NEFH: variants seen among roughly 807,000 people sequenced by gnomAD.
NEFH encodes the protein neurofilament heavy chain.
In NEFH, 58 loss-of-function variants were observed where a neutral mutation model predicts 56.6. The observed-to-expected ratio is 1.03, with a 90% CI of 0.83 to 1.28. NEFH has a LOEUF of 1.28. Ranked by LOEUF, NEFH falls within the 50% of genes most tolerant of loss-of-function variation. The pLI, the probability that NEFH is intolerant of heterozygous loss-of-function variation, is 0.00. For synonymous variants in NEFH, 542 were observed against 545.8 expected, an observed-to-expected ratio of 0.99 and a Z score of 0.10; for missense variants, 1,221 against 1,307.6, an observed-to-expected ratio of 0.93 and a Z score of 1.02.
intron 2 of NEFH, 48 bp from the exon 3 acceptor site, chr22:29,485,675 G>T: frequency 6.2e-7 from 1 of 1,600,230 alleles, no homozygotes; most frequent in East Asian, 2.3e-5. Context: ...CTGGTACTGA[G>T]GGCCAGACAC....
At chr22:29,485,930 T>G in intron 3 of NEFH, 83 bp downstream of exon 3, 1 of 1,493,316 alleles carries the variant, frequency 6.7e-7, no homozygotes, top group Non-Finnish European at 9.3e-7. Flanking sequence ...AGACCCCGTT[T>G]AGGCAGCCTA....
At chr22:29,481,257 C>A in intron 1 of NEFH, 112 bp downstream of exon 1, 1 of 1,050,336 alleles carries the variant, frequency 9.5e-7, no homozygotes, top group Non-Finnish European at 1.4e-6. Flanking sequence ...TGGCGCGCTG[C>A]TCACCTTCCC....
In NEFH at chr22:29,490,027, C is replaced by A. The variant is rs767365900; in HGVS notation, c.2387C>A (p.Pro796Gln). ...CCTGTCAAGGAGGAGGTCAAGTCCC[C>A]AGAGAAGGCGAAATCTCCCCTGAAG... The part of the protein sequence containing the change: ...KSPVKEEVKS[P>Q]EKAKSPLKED... The change falls in exon 4 of 4, where the codon CCA (proline) becomes CAA (glutamine). Residue 796 changes from proline to glutamine, a missense_variant. By Grantham distance (76) the Pro-to-Gln change is moderately conservative. Transcript: ENST00000310624. The A allele has an allele frequency of 4.3e-6, 7 of 1,613,968 alleles. No individual in the cohort carries two copies. The highest frequency in any genetic ancestry group is 5.9e-6 in the Non-Finnish European group (7 of 1,179,944).
intron 1 of NEFH, among the ~76,000 whole-genome samples, chr22:29,481,710 G>A (rs780172669): frequency 3.2e-4 from 49 of 152,306 alleles, no homozygotes; most frequent in Non-Finnish European, 6.6e-4. Flanking sequence ...TCTTCCTAGA[G>A]GGAACCATTA....
In NEFH at chr22:29,480,515, G is replaced by T. The variant is rs775856649; in HGVS notation, c.253G>T (p.Glu85Ter). The T allele has an allele frequency of 2.0e-6, 3 of 1,535,490 alleles. No individual in the cohort carries two copies. The highest frequency in any genetic ancestry group is 8.7e-7 in the Non-Finnish European group (1 of 1,147,350). ...GCTGGACACGCTGAGCAACGGGCCG[G>T]AGGGCTGCATGGTGGCGGTGGCCAC... ...DSLDTLSNGP[E>*]GCMVAVATSR... Residue 85 changes from glutamate to a stop codon, truncating the protein, a stop_gained, in exon 1 of 4, where the codon GAG becomes TAG. Coordinates refer to ENST00000310624, the MANE Select transcript of NEFH (RefSeq NM_021076.4). LOFTEE classifies it high-confidence loss of function.
rs1422942222 is a variant in NEFH at position 29,480,788 on chromosome 22, G to A, written c.526G>A (p.Glu176Lys). 24 of 1,425,716 alleles carry A rather than the reference G, an allele frequency of 1.7e-5. No individual in the cohort carries two copies. In the Middle Eastern group the frequency reaches 1.3e-3, roughly 74 times the overall value. The allele number at this position is 1,425,716 out of a possible 1,614,324, so 88.3% of individuals were successfully genotyped here. A position where few individuals can be genotyped will look rare whatever the true frequency, so the allele number is the denominator to read the frequency against. Reference sequence around the variant, plus strand: ...ACGCCTGGAGCAGGAGCACCTGCTCGAGGACATCGCGCACGTGCGCCAGCG... The same window carrying A: ...ACGCCTGGAGCAGGAGCACCTGCTCAAGGACATCGCGCACGTGCGCCAGCG... ...QLRLEQEHLL[E>K]DIAHVRQRLD... The change falls in exon 1 of 4, where the codon GAG (glutamate) becomes AAG (lysine). Residue 176 changes from glutamate to lysine, a missense_variant. Physicochemically the swap from Glu to Lys is moderately conservative, Grantham distance 56 (BLOSUM62 1). This residue lies in a region of NEFH where 640 missense variants were observed against 555.5 expected (regional missense o/e 1.15). Coordinates refer to ENST00000310624, the MANE Select transcript of NEFH (RefSeq NM_021076.4).
chr22:29,480,440 G>T lies in NEFH; in HGVS notation c.178G>T (p.Ala60Ser), dbSNP rs1185842516. 5 of 1,531,542 alleles carry T rather than the reference G, an allele frequency of 3.3e-6. No homozygotes were observed. Among genetic ancestry groups the T allele is most frequent in the African/African-American group, 1.4e-5 (1 of 72,756 alleles). The allele number at this position is 1,531,542 out of a possible 1,614,324, so 94.9% of individuals were successfully genotyped here. Reference sequence around the variant, plus strand: ...ACGGACGTCCGTGAGCTCCGTGTCCGCCTCGCCCAGCCGCTTCCGTGGCGC... The same window carrying T: ...ACGGACGTCCGTGAGCTCCGTGTCCTCCTCGCCCAGCCGCTTCCGTGGCGC... The part of the protein sequence containing the change: ...WTRTSVSSVS[A>S]SPSRFRGAGA... The change falls in exon 1 of 4, where the codon GCC becomes TCC. Residue 60 changes from alanine (A) to serine (S), a missense_variant. Transcript: ENST00000310624.
rs1217256014 is a variant in NEFH, at chr22:29,483,551, C to A, written c.1060C>A (p.Gln354Lys). ...GCGCTCTGAGCTGGAGGACCGTCAT[C>A]AGGCCGACATTGCCTCCTACCAGGT... ...RQRSELEDRH[Q>K]ADIASYQEAI... Residue 354 changes from glutamine to lysine, a missense_variant, in exon 2 of 4, where the codon CAG becomes AAG. Around this residue, in one of 4 missense-constraint regions of NEFH, gnomAD observed 640 missense variants for 555.5 expected, o/e 1.15. Coordinates refer to ENST00000310624, the MANE Select transcript of NEFH (RefSeq NM_021076.4). 1 of 1,613,820 alleles carries A rather than the reference C, an allele frequency of 6.2e-7. No homozygotes were observed. Among genetic ancestry groups the A allele is most frequent in the Admixed American group, 1.7e-5 (1 of 60,022 alleles).
At chr22:29,486,831 T>C (rs2063047568) in intron 3 of NEFH, among the ~76,000 whole-genome samples, 2 of 152,132 alleles carry the variant, frequency 1.3e-5, no homozygotes, top group Admixed American at 6.5e-5. Flanking sequence ...CCAATGAGTC[T>C]TGAGAGTGAC....
chr22:29,488,972 C>G lies in NEFH; in HGVS notation c.1332C>G (p.Ile444Met). 6.2e-7 allele frequency: 1 copy of G among 1,614,050 alleles called. No homozygotes were observed. Reference sequence around the variant, plus strand: ...TAAAGGTGAAAAGCGAAGAGAAGATCAAAGTGGTGGAGAAGTCTGAGAAAG... The same window carrying G: ...TAAAGGTGAAAAGCGAAGAGAAGATGAAAGTGGTGGAGAAGTCTGAGAAAG... Reference protein sequence around the residue: ...THIKVKSEEKIKVVEKSEKET... With the variant: ...THIKVKSEEKMKVVEKSEKET... Residue 444 changes from isoleucine (I) to methionine (M), a missense_variant, in exon 4 of 4, where the codon ATC (isoleucine) becomes ATG (methionine). Physicochemically the swap from Ile to Met is conservative, Grantham distance 10. This residue lies in a region of NEFH where 243 missense variants were observed against 299.1 expected (regional missense o/e 0.81). Transcript: ENST00000310624.
At chr22:29,487,752 AAGTACT>A (rs2063052612) in intron 3 of NEFH, among the ~76,000 whole-genome samples, 1 of 151,852 alleles carries the variant, frequency 6.6e-6, no homozygotes, top group Non-Finnish European at 1.5e-5. Flanking sequence ...TAAATTTGGG[AAGTACT>A]AGTCTGAGGG....
chr22:29,484,688 G>A (rs1398207644), intron 2 of NEFH, among the ~76,000 whole-genome samples: 1 of 152,086 alleles, frequency 6.6e-6, no homozygotes, highest in East Asian at 1.9e-4. Flanking sequence ...AATTAGCTGG[G>A]TATGGTTGTG....
rs165625 is a variant in NEFH, at chr22:29,490,424, A to G, written c.2784A>G (p.Val928=). 1,278,233 of 1,608,002 alleles carry G rather than the reference A, an allele frequency of 0.79. 509,212 individuals are homozygous for G. The highest frequency in any genetic ancestry group is 0.91 in the East Asian group (40,924 of 44,824). ...CTAAACCCAAAGAAAAGACAGAGGT[A>G]GCCAAGAAGGAACCAGATGATGCCA... The part of the protein sequence containing the change: ...EDAKPKEKTE[V]AKKEPDDAKA... The change falls in exon 4 of 4, where the codon GTA becomes GTG. Residue 928 remains valine (V), a synonymous_variant. Coordinates refer to ENST00000310624, the MANE Select transcript of NEFH (RefSeq NM_021076.4).
intron 2 of NEFH, among the ~76,000 whole-genome samples, chr22:29,485,451 C>G (rs1340579238): frequency 6.6e-6 from 1 of 152,228 alleles, no homozygotes; most frequent in Non-Finnish European, 1.5e-5. Flanking sequence ...ATCCCATTAT[C>G]CTGCCAGCCA....
intron 2 of NEFH, among the ~76,000 whole-genome samples, chr22:29,483,998 T>C (rs1283920015): frequency 6.6e-6 from 1 of 151,912 alleles, no homozygotes; most frequent in Non-Finnish European, 1.5e-5. Context: ...TACAGGTGCA[T>C]GCCACCACAC....
intron 2 of NEFH, among the ~76,000 whole-genome samples, chr22:29,484,213 C>T (rs781288771): frequency 6.6e-6 from 1 of 152,166 alleles, no homozygotes. Flanking sequence ...AGGTCTTCAA[C>T]ATTCGAATCT....
chr22:29,489,486 G>C lies in NEFH; in HGVS notation c.1846G>C (p.Ala616Pro), dbSNP rs1398309477. The change falls in exon 4 of 4, where the codon GCT becomes CCT. Residue 616 changes from alanine (A) to proline (P), a missense_variant. Around this residue, in one of 4 missense-constraint regions of NEFH, gnomAD observed 243 missense variants for 299.1 expected, o/e 0.81. Transcript: ENST00000310624. ...SPVKEEAKSP[A>P]EAKSPVKEEA... ...AGTGAAGGAAGAAGCAAAGTCACCG[G>C]CTGAGGCCAAGTCCCCAGTGAAGGA... is the stretch of plus-strand genomic sequence containing the variant. 1.2e-5 allele frequency: 19 copies of C among 1,599,544 alleles called. No individual in the cohort carries two copies. Among genetic ancestry groups the C allele is most frequent in the Admixed American group, 1.7e-5 (1 of 58,772 alleles).
chr22:29,489,899 A>G lies in NEFH; in HGVS notation c.2259A>G (p.Pro753=), dbSNP rs1170885612. The G allele has an allele frequency of 6.2e-7, 1 of 1,610,080 alleles. No individual in the cohort carries two copies. ...EAKSPEKAKS[P]EKAKTLDVKS... ...AGTCCCCAGAGAAGGCCAAGTCCCC[A>G]GAGAAGGCCAAGACTCTTGATGTGA... Residue 753 remains proline (P), a synonymous_variant, in exon 4 of 4, where the codon CCA becomes CCG. Coordinates refer to ENST00000310624, the MANE Select transcript of NEFH (RefSeq NM_021076.4).
Position 29,490,903 on chromosome 22 carries a change from A to T in NEFH, c.*200A>T. The T allele has an allele frequency of 9.9e-7, 1 of 1,008,002 alleles. No homozygotes were observed. The highest frequency in any genetic ancestry group is 1.5e-5 in the South Asian group (1 of 68,390). 62.4% of individuals were successfully genotyped at this position (1,008,002 alleles called of 1,614,324 possible). A position where few individuals can be genotyped will look rare whatever the true frequency, so the allele number is the denominator to read the frequency against. On this transcript the variant is annotated 3_prime_UTR_variant, in exon 4 of 4. Transcript: ENST00000310624. ...AGGGCACTCCCAGGCCCCTGCCCCC[A>T]GGCCCTCCCCAGGCGATGGACAATT...
Sources: allele counts gnomAD v4.1 joint callset (sites outside exome capture counted in the v4.1 genomes callset), GRCh38; gene constraint gnomAD v4.1.1; regional missense constraint gnomAD v4.1.1; transcripts MANE v1.5; gene names NCBI Gene and HGNC (gene_info 2026-07-23, HGNC 2026-07-21).